Variants in KHDRBS2 observed in about 807,000 individuals in gnomAD.
KHDRBS2 encodes the protein KH domain-containing, RNA-binding, signal transduction-associated protein 2.
In KHDRBS2, 26 loss-of-function variants were observed where a neutral mutation model predicts 44.3. The ratio of observed to expected loss-of-function variants is 0.59; its 90% CI spans 0.43 to 0.81. The LOEUF is 0.81. Among genes scored for constraint, KHDRBS2 ranks in the 40% least tolerant of loss-of-function variants. The pLI, the probability that KHDRBS2 is intolerant of heterozygous loss-of-function variation, is 0.00. For missense variants in KHDRBS2, 476 were observed against 433.1 expected (o/e 1.10, Z -0.88); for synonymous variants, 194 against 151.1 (o/e 1.28, Z -2.08).
intron 6 of KHDRBS2, among the ~76,000 whole-genome samples, chr6:61,736,839 A>G (rs1486963578): frequency 6.6e-6 from 1 of 151,952 alleles, no homozygotes; most frequent in Non-Finnish European, 1.5e-5. Context: ...TTCCAATAGC[A>G]TGTTTTCTCT....
the KHDRBS2 span, among the ~76,000 whole-genome samples, chr6:61,621,762 G>C: frequency 2.6e-5 from 4 of 152,190 alleles, no homozygotes; most frequent in African/African-American, 9.7e-5. Context: ...AAAGTGGTAA[G>C]ATGTTACTCC....
At chr6:61,978,557 T>C (rs544252200) in intron 3 of KHDRBS2, among the ~76,000 whole-genome samples, 2 of 152,244 alleles carry the variant, frequency 1.3e-5, no homozygotes, top group South Asian at 4.1e-4. Flanking sequence ...AATTGTTTTG[T>C]GCTTGATGTT....
At chr6:62,059,277 A>G (rs1406874902) in intron 2 of KHDRBS2, among the ~76,000 whole-genome samples, 1 of 116,904 alleles carries the variant, frequency 8.6e-6, no homozygotes, top group Non-Finnish European at 1.6e-5. Flanking sequence ...GAAGCTGGGT[A>G]TGGAAAAAGG....
intron 3 of KHDRBS2, among the ~76,000 whole-genome samples, chr6:62,040,822 A>G (rs1265207963): frequency 6.6e-6 from 1 of 152,058 alleles, no homozygotes. Context: ...TCACGAACCA[A>G]CACTACTCTG....
At chr6:61,849,808 C>G (rs1413292319) in intron 6 of KHDRBS2, among the ~76,000 whole-genome samples, 1 of 152,060 alleles carries the variant, frequency 6.6e-6, no homozygotes, top group Non-Finnish European at 1.5e-5. Flanking sequence ...TAGAACTAAT[C>G]TTAACCTTGT....
At chr6:61,720,237 T>C (rs981196144) in intron 7 of KHDRBS2, among the ~76,000 whole-genome samples, 9 of 152,186 alleles carry the variant, frequency 5.9e-5, no homozygotes, top group Non-Finnish European at 1.2e-4. Flanking sequence ...GCAATAAACA[T>C]ACGTGTGCAT....
At chr6:62,033,622 C>A (rs1309254280) in intron 3 of KHDRBS2, among the ~76,000 whole-genome samples, 1 of 150,106 alleles carries the variant, frequency 6.7e-6, no homozygotes, top group African/African-American at 2.4e-5. Flanking sequence ...ATATATATAT[C>A]CAGATATATA....
chr6:61,838,959 T>G (rs1179792401), intron 6 of KHDRBS2, among the ~76,000 whole-genome samples: 2 of 152,046 alleles, frequency 1.3e-5, no homozygotes, highest in Non-Finnish European at 2.9e-5. Context: ...TGTCTACCTC[T>G]CCAGGGTCAT....
intron 3 of KHDRBS2, among the ~76,000 whole-genome samples, chr6:62,015,945 T>C (rs1332268790): frequency 1.3e-5 from 2 of 152,274 alleles, no homozygotes; most frequent in African/African-American, 4.8e-5. Flanking sequence ...CAAAGAGAGA[T>C]GGTGCCATTT....
chr6:62,092,387 C>T (rs936167942), intron 2 of KHDRBS2, among the ~76,000 whole-genome samples: 3 of 152,116 alleles, frequency 2.0e-5, no homozygotes, highest in Non-Finnish European at 2.9e-5. Context: ...CAAATGTTTT[C>T]TCTTAGCTCT....
At position 61,977,992 on chromosome 6, in the gene KHDRBS2, C is replaced by T; in HGVS notation, c.483+74G>A. 2 of 1,239,756 alleles carry T rather than the reference C, an allele frequency of 1.6e-6. 1 individual carries two copies. Among genetic ancestry groups the T allele is most frequent in the Non-Finnish European group, 2.3e-6 (2 of 886,242 alleles). 76.8% of individuals were successfully genotyped at this position (1,239,756 alleles called of 1,614,324 possible). A position where few individuals can be genotyped will look rare whatever the true frequency, so the allele number is the denominator to read the frequency against. The stretch of plus-strand genomic sequence containing the variant: ...CAATATGAGTTTCCTTTTAAAAAGT[C>T]AGTGAAGATCAAAGGTGCATTTTAA... On this transcript the variant is annotated intron_variant, in intron 4 of 8. Coordinates refer to ENST00000281156, the MANE Select transcript of KHDRBS2 (RefSeq NM_152688.4).
At chr6:62,059,822 T>TATTTTCA (rs1791305682) in intron 2 of KHDRBS2, among the ~76,000 whole-genome samples, 1 of 151,678 alleles carries the variant, frequency 6.6e-6, no homozygotes, top group Non-Finnish European at 1.5e-5. Context: ...AACACGTATA[T>TATTTTCA]TCAGAAGAAA....
At chr6:61,816,154 TC>T (rs1788895064) in intron 6 of KHDRBS2, among the ~76,000 whole-genome samples, 1 of 152,174 alleles carries the variant, frequency 6.6e-6, no homozygotes, top group African/African-American at 2.4e-5. Context: ...ATAAAATACT[TC>T]CACAAAAAAG....
chr6:61,563,849 A>G, the KHDRBS2 span, among the ~76,000 whole-genome samples: 2 of 152,120 alleles, frequency 1.3e-5, no homozygotes, highest in Non-Finnish European at 2.9e-5. Flanking sequence ...GCAGTGTGTG[A>G]AAAAGTGTTT....
At chr6:62,163,600 G>A (rs1236220173) in intron 2 of KHDRBS2, among the ~76,000 whole-genome samples, 1 of 151,950 alleles carries the variant, frequency 6.6e-6, no homozygotes, top group Non-Finnish European at 1.5e-5. Flanking sequence ...CCGTCTGTGG[G>A]CCTTTGAAAT....
At chr6:62,069,402 G>T (rs1478957791) in intron 2 of KHDRBS2, among the ~76,000 whole-genome samples, 1 of 151,650 alleles carries the variant, frequency 6.6e-6, no homozygotes, top group African/African-American at 2.4e-5. Context: ...GTGTGAAATG[G>T]CAGGCAACTG....
chr6:61,851,896 G>A (rs996637428), intron 6 of KHDRBS2, among the ~76,000 whole-genome samples: 4 of 152,196 alleles, frequency 2.6e-5, no homozygotes, highest in African/African-American at 9.7e-5. Context: ...CACGATATAA[G>A]TTTAAGAAAA....
At chr6:61,702,201 C>T (rs2127546301) in intron 7 of KHDRBS2, among the ~76,000 whole-genome samples, 1 of 152,020 alleles carries the variant, frequency 6.6e-6, no homozygotes, top group Admixed American at 6.6e-5. Context: ...TTCTAGTCTC[C>T]TTTACCTTTG....
At chr6:62,015,373 T>C (rs1781028750) in intron 3 of KHDRBS2, among the ~76,000 whole-genome samples, 1 of 152,184 alleles carries the variant, frequency 6.6e-6, no homozygotes, top group African/African-American at 2.4e-5. Flanking sequence ...CTGCTGCTCT[T>C]GGCTTTATAA....
Sources: gnomAD v4.1 joint callset for allele counts (sites outside exome capture counted in the v4.1 genomes callset) on GRCh38, gnomAD v4.1.1 for gene constraint, MANE v1.5 for transcripts, NCBI Gene and HGNC (gene_info 2026-07-23, HGNC 2026-07-21) for gene names.